HOMER2: variants seen among roughly 807,000 people sequenced by gnomAD.
HOMER2 encodes the protein homer protein homolog 2.
In HOMER2, 27 loss-of-function variants were observed where a neutral mutation model predicts 47.0. That is an observed-to-expected ratio of 0.57 (90% CI 0.42 to 0.79). The LOEUF is 0.79. Among genes scored for constraint, HOMER2 ranks in the 30% least tolerant of loss-of-function variants. The probability of loss-of-function intolerance (pLI) is 0.00; values close to 1 mark genes in which losing one functional copy is unlikely to be tolerated. For synonymous variants in HOMER2, 161 were observed against 163.8 expected (o/e 0.98, Z 0.13); for missense variants, 443 against 435.0 (o/e 1.02, Z -0.16).
intron 1 of HOMER2, among the ~76,000 whole-genome samples, chr15:82,923,945 T>C (rs2053795391): frequency 6.6e-6 from 1 of 152,180 alleles, no homozygotes; most frequent in Admixed American, 6.5e-5. Context: ...TTACGTGCCG[T>C]GTCTCAGCCA....
chr15:82,947,484 C>G (rs982894679), intron 1 of HOMER2, among the ~76,000 whole-genome samples: 1 of 152,166 alleles, frequency 6.6e-6, no homozygotes, highest in African/African-American at 2.4e-5. Flanking sequence ...TAAACACTGA[C>G]AAAATCAGCT....
intron 1 of HOMER2, among the ~76,000 whole-genome samples, chr15:82,917,480 G>A (rs1008242983): frequency 6.6e-6 from 1 of 152,180 alleles, no homozygotes. Flanking sequence ...TGCTGGAACA[G>A]CCCTTTCCTT....
chr15:82,931,004 C>T (rs563393099), intron 1 of HOMER2, among the ~76,000 whole-genome samples: 3 of 152,134 alleles, frequency 2.0e-5, no homozygotes, highest in East Asian at 1.9e-4. Context: ...GTGCACACCC[C>T]GCCTATGAGA....
rs1445340025 is a variant in HOMER2, at chr15:82,849,731, A to T, written c.1016T>A (p.Leu339Gln). The T allele has an allele frequency of 6.2e-7, 1 of 1,613,506 alleles. No individual in the cohort carries two copies. Among genetic ancestry groups the T allele is most frequent in the Admixed American group, 1.7e-5 (1 of 59,968 alleles). The part of the protein sequence containing the change: ...LHDFRRGLSK[L>Q]GTDN ...CGGCCAGCCCTAGTTATCGGTGCCC[A>T]GCTTGGAGAGCCCTCGGCGGAAGTC... Residue 339 changes from leucine to glutamine, a missense_variant, in exon 9 of 9, where the codon CTG (leucine) becomes CAG (glutamine). By Grantham distance (113) the Leu-to-Gln change is moderately radical. Coordinates refer to ENST00000450735, the MANE Select transcript of HOMER2 (RefSeq NM_004839.4).
intron 4 of HOMER2, 148 bp from the exon 5 acceptor site, chr15:82,859,283 A>G: frequency 1.9e-6 from 2 of 1,062,928 alleles, no homozygotes; most frequent in Non-Finnish European, 2.7e-6. Context: ...ACCAGAATGC[A>G]GCAAAGACTA....
chr15:82,871,328 C>G (rs1158140212), intron 3 of HOMER2, among the ~76,000 whole-genome samples: 1 of 152,200 alleles, frequency 6.6e-6, no homozygotes, highest in Non-Finnish European at 1.5e-5. Context: ...AATGTCCACA[C>G]TGGTGTTCCT....
intron 1 of HOMER2, among the ~76,000 whole-genome samples, chr15:82,916,956 A>C (rs7176643): frequency 0.58 from 87,385 of 151,518 alleles, 26,827 homozygotes; most frequent in African/African-American, 0.79. Flanking sequence ...CGCACGCCAC[A>C]ATGTCCAGCT....
chr15:82,877,828 T>A (rs907856499), intron 2 of HOMER2, among the ~76,000 whole-genome samples: 1 of 150,490 alleles, frequency 6.6e-6, no homozygotes, highest in African/African-American at 2.5e-5. Flanking sequence ...CTGGACACTA[T>A]CAAGAGATGG....
At position 82,917,878 on chromosome 15, in the gene HOMER2, G is replaced by C. The variant is rs575473367; in HGVS notation, c.6-25037C>G. Among the ~76,000 whole-genome samples, 123 of 152,230 alleles carry C rather than the reference G, an allele frequency of 8.1e-4. 2 individuals carry two copies. In the South Asian group the frequency reaches 0.024, roughly 29 times the overall value. Reference sequence around the variant, plus strand: ...TCTCTATTATTTCCCACAATGTCAAGGGCAAAAGTGAAATCAACCTCATCT... The same window carrying C: ...TCTCTATTATTTCCCACAATGTCAACGGCAAAAGTGAAATCAACCTCATCT... On this transcript the variant is annotated intron_variant, in intron 1 of 8. Coordinates refer to ENST00000450735, the MANE Select transcript of HOMER2 (RefSeq NM_004839.4).
chr15:82,964,632 G>A (rs1306725832), intron 1 of HOMER2, among the ~76,000 whole-genome samples: 2 of 152,112 alleles, frequency 1.3e-5, no homozygotes, highest in African/African-American at 2.4e-5. Context: ...CGGGCGCAGT[G>A]GTTTGCACCT....
chr15:82,834,914 A>G (rs1023842803), downstream of HOMER2: 3 of 149,330 alleles, frequency 2.0e-5, no homozygotes, highest in Non-Finnish European at 4.4e-5. Context: ...ATGCTGAAGT[A>G]TTTTCTCCTT....
At chr15:82,835,423 C>G (rs982924507), downstream of HOMER2, 3 of 152,418 alleles carry the variant, frequency 2.0e-5, no homozygotes, top group African/African-American at 7.2e-5. Context: ...CACACCTGGC[C>G]TTCCAGTGTC....
rs193161482 is a variant in HOMER2 at position 82,849,393 on chromosome 15, C to A, written c.*322G>T. 7.3e-6 allele frequency: 2 copies of A among 275,022 alleles called. No individual in the cohort carries two copies. The highest frequency in any genetic ancestry group is 6.8e-6 in the Non-Finnish European group (1 of 147,358). 17.0% of individuals were successfully genotyped at this position (275,022 alleles called of 1,614,324 possible). ...ATATCAATATTTGGATTACAAAATGCGTGTTTTTTCAGTTCATATGGTTGC... is the reference window on the plus strand; with the variant it reads ...ATATCAATATTTGGATTACAAAATGAGTGTTTTTTCAGTTCATATGGTTGC... On this transcript the variant is annotated 3_prime_UTR_variant, in exon 9 of 9. Coordinates refer to ENST00000450735, the MANE Select transcript of HOMER2 (RefSeq NM_004839.4).
At chr15:82,918,980 A>AT (rs1465252073) in intron 1 of HOMER2, among the ~76,000 whole-genome samples, 5 of 152,088 alleles carry the variant, frequency 3.3e-5, no homozygotes, top group Admixed American at 6.5e-5. Context: ...TTTTTTTCTA[A>AT]TTTGTACAAA....
chr15:82,937,294 T>A (rs1164054608), intron 1 of HOMER2, among the ~76,000 whole-genome samples: 1 of 152,212 alleles, frequency 6.6e-6, no homozygotes, highest in Non-Finnish European at 1.5e-5. Context: ...CTTCTCAAAC[T>A]TAGTGAATGA....
chr15:82,859,121 G>A lies in HOMER2; in HGVS notation c.402C>T (p.Asn134=), dbSNP rs760018246. 1.9e-5 allele frequency: 31 copies of A among 1,613,798 alleles called. No individual in the cohort carries two copies. Among genetic ancestry groups the A allele is most frequent in the African/African-American group, 6.7e-5 (5 of 74,900 alleles). The change falls in exon 5 of 9, where the codon AAC becomes AAT. Residue 134 remains asparagine, a synonymous_variant. Transcript: ENST00000450735. Reference sequence around the variant, plus strand: ...GAGAGGCCTTTTCATCGTCCGTCCCGTTGACACTGGATGCCTGAGTAGAAG... The same window carrying A: ...GAGAGGCCTTTTCATCGTCCGTCCCATTGACACTGGATGCCTGAGTAGAAG... ...SSNHSQASSV[N]GTDDEKASHA...
At chr15:82,866,617 CAT>C (rs1314313806) in intron 3 of HOMER2, among the ~76,000 whole-genome samples, 4 of 152,198 alleles carry the variant, frequency 2.6e-5, no homozygotes, top group Non-Finnish European at 5.9e-5. Context: ...ACAATTCCCA[CAT>C]GTCATGGGAA....
chr15:82,928,960 A>AAAAAAAAAAAAAAAAAAAAAAAT (rs2053933614), intron 1 of HOMER2, among the ~76,000 whole-genome samples: 1 of 148,846 alleles, frequency 6.7e-6, no homozygotes, highest in Non-Finnish European at 1.5e-5. Flanking sequence ...AAAAAAAAAA[A>AAAAAAAAAAAAAAAAAAAAAAAT]GCTGTCATGC....
At chr15:82,959,679 G>T (rs565994286) in intron 1 of HOMER2, among the ~76,000 whole-genome samples, 1 of 152,112 alleles carries the variant, frequency 6.6e-6, no homozygotes, top group Admixed American at 6.5e-5. Context: ...CCCAGGCATC[G>T]GCAATCCTTT....
Sources: gnomAD v4.1 joint callset for allele counts (sites outside exome capture counted in the v4.1 genomes callset) on GRCh38, gnomAD v4.1.1 for gene constraint, MANE v1.5 for transcripts, NCBI Gene and HGNC (gene_info 2026-07-23, HGNC 2026-07-21) for gene names.